The following ZNF236 variants were observed in gnomAD, a reference collection of about 807,000 sequenced individuals.
ZNF236 encodes regulated by glucose.
A neutral mutation model predicts 191.2 loss-of-function variants in ZNF236; 50 were observed. That is an observed-to-expected ratio of 0.26 (90% confidence interval 0.21 to 0.33). The LOEUF (loss-of-function observed/expected upper bound fraction) is 0.33, where lower values mean the gene tolerates loss of function less well. ZNF236 is among the 10% of genes least tolerant of loss of function. The probability of loss-of-function intolerance (pLI) is 1.00; values close to 1 mark genes in which losing one functional copy is unlikely to be tolerated. For synonymous variants in ZNF236, 907 were observed against 928.8 expected (o/e 0.98, Z 0.43); for missense variants, 1,754 against 2,374.5 (o/e 0.74, Z 5.43).
chr18:76,823,399 CT>C (rs1713408686), intron 1 of ZNF236, among the ~76,000 whole-genome samples: 2 of 151,126 alleles, frequency 1.3e-5, no homozygotes, highest in Non-Finnish European at 3.0e-5. Flanking sequence ...GGCTGGAACC[CT>C]GGGCATCTGG....
At position 76,880,704 on chromosome 18, in the gene ZNF236, C is replaced by T. The variant is rs747414070; in HGVS notation, c.1188+388C>T. 1.3e-5 allele frequency among the ~76,000 whole-genome samples: 2 copies of T among 152,158 alleles called. No homozygotes were observed. The highest frequency in any genetic ancestry group is 2.9e-5 in the Non-Finnish European group (2 of 68,032). ...GTTGACAATTCTGAGAGCGTTCATA[C>T]TGCCTGGCCTTCTCTCGTGGGTGTG... On this transcript the variant is annotated intron_variant, in intron 8 of 30. Coordinates refer to ENST00000320610, the MANE Select transcript of ZNF236 (RefSeq NM_001306089.2). This position sits in a 1 kb window ranked among gnomAD's most constrained non-coding sequence, Gnocchi z 5.0.
intron 17 of ZNF236, among the ~76,000 whole-genome samples, chr18:76,913,493 A>C (rs1967272601): frequency 6.6e-6 from 1 of 152,212 alleles, no homozygotes; most frequent in South Asian, 2.1e-4. Context: ...TATAGGATTT[A>C]CTGTTTTTTA....
chr18:76,911,839 T>A (rs980728089), intron 16 of ZNF236, among the ~76,000 whole-genome samples: 1 of 152,160 alleles, frequency 6.6e-6, no homozygotes, highest in African/African-American at 2.4e-5. Context: ...GTGGTACCGT[T>A]CTTGGGGATG....
rs538319580 is a variant in ZNF236, at chr18:76,925,533, A to G, written c.4006A>G (p.Ile1336Val). The change falls in exon 22 of 31, where the codon ATT becomes GTT. Residue 1336 changes from isoleucine to valine, a missense_variant. Transcript: ENST00000320610. This position sits in a 1 kb window ranked among gnomAD's most constrained non-coding sequence, Gnocchi z 5.7. ...GCAACCAGGACTGGTGGGCCAAGCT[A>G]TTCTCCCTGCCTCTGTGTCAGGTAA... The part of the protein sequence containing the change: ...LLQPGLVGQA[I>V]LPASVSAGGD... 4.5e-5 allele frequency: 72 copies of G among 1,613,366 alleles called. No homozygotes were observed. The East Asian group carries it at 1.2e-3, about 26-fold the overall frequency.
At chr18:76,901,312 A>G (rs1247915668) in intron 11 of ZNF236, among the ~76,000 whole-genome samples, 1 of 152,252 alleles carries the variant, frequency 6.6e-6, no homozygotes, top group East Asian at 1.9e-4. Flanking sequence ...AATTGTTTGC[A>G]AATACTCTAC....
intron 3 of ZNF236, among the ~76,000 whole-genome samples, chr18:76,858,711 G>A (rs1370245306): frequency 1.5e-5 from 2 of 130,676 alleles, no homozygotes; most frequent in South Asian, 2.8e-4. Flanking sequence ...AGGGGGAGAG[G>A]GCTCAGCTGG....
Position 76,875,402 on chromosome 18 carries a change from G to C in ZNF236, c.668-90G>C. On this transcript the variant is annotated intron_variant, in intron 5 of 30. Transcript: ENST00000320610. This position sits in a 1 kb window ranked among gnomAD's most constrained non-coding sequence, Gnocchi z 4.3. Reference sequence around the variant, plus strand: ...GGGAGACATTTTGGCTGGAGGGATAGGTTTGGGTAACTTCAGTGTTGTTCT... The same window carrying C: ...GGGAGACATTTTGGCTGGAGGGATACGTTTGGGTAACTTCAGTGTTGTTCT... 1 of 1,289,942 alleles carries C rather than the reference G, an allele frequency of 7.8e-7. No homozygotes were observed. The highest frequency in any genetic ancestry group is 1.0e-6 in the Non-Finnish European group (1 of 979,708). The allele number at this position is 1,289,942 out of a possible 1,614,324, so 79.9% of individuals were successfully genotyped here. A position where few individuals can be genotyped will look rare whatever the true frequency, so the allele number is the denominator to read the frequency against.
chr18:76,879,612 G>T (rs1436466014), intron 7 of ZNF236, among the ~76,000 whole-genome samples: 1 of 152,186 alleles, frequency 6.6e-6, no homozygotes, highest in African/African-American at 2.4e-5. Context: ...GAGCCCTGCA[G>T]GGGTGGGACT....
chr18:76,871,871 G>GGAA (rs1428441986), intron 5 of ZNF236, 46 bp downstream of exon 5: 1 of 1,607,568 alleles, frequency 6.2e-7, no homozygotes, highest in African/African-American at 1.3e-5. Context: ...TGGCTGGAAG[G>GGAA]GAAGAACAGG....
chr18:76,900,833 A>G (rs1229487190), intron 11 of ZNF236, among the ~76,000 whole-genome samples: 7 of 152,182 alleles, frequency 4.6e-5, no homozygotes, highest in East Asian at 1.9e-4. Context: ...GTCATCAGGG[A>G]TTGGTTTTGC....
intron 1 of ZNF236, among the ~76,000 whole-genome samples, chr18:76,840,340 CAAAA>C (rs1975444637): frequency 6.6e-6 from 1 of 152,058 alleles, no homozygotes; most frequent in Non-Finnish European, 1.5e-5. Flanking sequence ...ACTAAAAATA[CAAAA>C]TTAGCCAGGC....
intron 1 of ZNF236, among the ~76,000 whole-genome samples, chr18:76,836,630 T>C (rs2122425534): frequency 6.6e-6 from 1 of 152,188 alleles, no homozygotes; most frequent in South Asian, 2.1e-4. Flanking sequence ...CAGGCTAGAG[T>C]GCAGTGGTGC....
intron 29 of ZNF236, 134 bp downstream of exon 29, chr18:76,959,950 A>G (rs1195477156): frequency 2.2e-5 from 25 of 1,114,696 alleles, no homozygotes; most frequent in Non-Finnish European, 3.1e-5. Flanking sequence ...CACATGTTCC[A>G]TTTCTCCTGA....
At chr18:76,850,998 C>T (rs1362554119) in intron 2 of ZNF236, among the ~76,000 whole-genome samples, 1 of 148,798 alleles carries the variant, frequency 6.7e-6, no homozygotes, top group Non-Finnish European at 1.5e-5. Flanking sequence ...AGACTACAAT[C>T]CAATGAATTT....
chr18:76,849,497 T>C, intron 1 of ZNF236, 29 bp from the exon 2 acceptor site: 1 of 1,556,174 alleles, frequency 6.4e-7, no homozygotes, highest in Non-Finnish European at 8.7e-7. Context: ...CAACTGGTAT[T>C]TATTGTCTAT....
chr18:76,824,558 C>T, intron 1 of ZNF236: 2 of 711,114 alleles, frequency 2.8e-6, no homozygotes, highest in Non-Finnish European at 5.2e-6. Flanking sequence ...TGTTAGTATG[C>T]CATCTGCCAA....
At chr18:76,964,031 G>C (rs1968718744) in intron 30 of ZNF236, among the ~76,000 whole-genome samples, 1 of 151,976 alleles carries the variant, frequency 6.6e-6, no homozygotes, top group African/African-American at 2.4e-5. Context: ...TTTTGTTTCA[G>C]TTATCTTTTG....
Position 76,971,417 on chromosome 18 carries a change from C to T in ZNF236, c.*3078C>T, listed in dbSNP as rs554733573. The stretch of plus-strand genomic sequence containing the variant: ...GGGAGGCTCATCAAATGCCACTCTC[C>T]TCTTCCTGACAGTGTTCTGCTGGTG... On this transcript the variant is annotated 3_prime_UTR_variant, in exon 31 of 31. Transcript: ENST00000320610. Among the ~76,000 whole-genome samples, 2 of 152,200 alleles carry T rather than the reference C, an allele frequency of 1.3e-5. No individual in the cohort carries two copies. Among genetic ancestry groups the T allele is most frequent in the Non-Finnish European group, 2.9e-5 (2 of 68,040 alleles).
At chr18:76,961,367 T>TTGTGTGTGTGTGTGTGTGTG (rs58383689) in intron 30 of ZNF236, among the ~76,000 whole-genome samples, 1 of 146,838 alleles carries the variant, frequency 6.8e-6, no homozygotes, top group Non-Finnish European at 1.5e-5. Flanking sequence ...TAGTATTCCA[T>TTGTGTGTGTGTGTGTGTGTG]TGTGTGTGTG....
Sources: gnomAD v4.1 joint callset for allele counts (sites outside exome capture counted in the v4.1 genomes callset) on GRCh38, gnomAD v4.1.1 for gene constraint, Gnocchi (gnomAD v3.1) non-coding constraint, MANE v1.5 for transcripts, NCBI Gene and HGNC (gene_info 2026-07-23, HGNC 2026-07-21) for gene names.